Variants in SRP54 observed in about 807,000 individuals in gnomAD.
SRP54 encodes the protein signal recognition particle 54, also known as signal recognition particle subunit SRP54.
In SRP54, 10 loss-of-function variants were observed where a neutral mutation model predicts 64.8. The ratio of observed to expected loss-of-function variants is 0.15; its 90% confidence interval spans 0.10 to 0.26. SRP54 has a LOEUF of 0.26. SRP54 is among the 10% of genes least tolerant of loss of function. The pLI is 1.00. For missense variants in SRP54, 325 were observed against 613.7 expected (o/e 0.53, Z 4.97); for synonymous variants, 193 against 185.6 (o/e 1.04, Z -0.32).
chr14:34,985,893 C>T (rs1043411727), intron 1 of SRP54, among the ~76,000 whole-genome samples: 2 of 152,170 alleles, frequency 1.3e-5, no homozygotes, highest in Admixed American at 6.6e-5. Context: ...ATTGAAATAA[C>T]GCATTGCTTG....
intron 8 of SRP54, among the ~76,000 whole-genome samples, chr14:35,012,264 G>T (rs1283612725): frequency 6.7e-6 from 1 of 149,740 alleles, no homozygotes; most frequent in Non-Finnish European, 1.5e-5. Flanking sequence ...AGTTTCTGTT[G>T]AATTTCCTTT....
chr14:34,992,516 A>T (rs2043997075), intron 1 of SRP54, among the ~76,000 whole-genome samples: 1 of 152,224 alleles, frequency 6.6e-6, no homozygotes, highest in Admixed American at 6.5e-5. Context: ...GGAGGCCATT[A>T]TCCTAAGAGA....
intron 1 of SRP54, among the ~76,000 whole-genome samples, chr14:34,989,021 A>G (rs2043946589): frequency 6.6e-6 from 1 of 152,198 alleles, no homozygotes; most frequent in African/African-American, 2.4e-5. Context: ...ATGACAAGAA[A>G]AGTCTGTACA....
At chr14:34,994,278 C>T (rs2044031107) in intron 1 of SRP54, among the ~76,000 whole-genome samples, 3 of 152,144 alleles carry the variant, frequency 2.0e-5, no homozygotes, top group African/African-American at 4.8e-5. Context: ...GGATTACAGG[C>T]GTGAGCCACC....
chr14:35,026,243 CAG>C (rs1246927889), intron 14 of SRP54, among the ~76,000 whole-genome samples: 1 of 147,664 alleles, frequency 6.8e-6, no homozygotes, highest in East Asian at 2.1e-4. Flanking sequence ...TGTTTTGAGA[CAG>C]GGTCTCGCTG....
intron 7 of SRP54, among the ~76,000 whole-genome samples, chr14:35,011,192 G>GA (rs201595764): frequency 6.8e-6 from 1 of 148,054 alleles, no homozygotes; most frequent in Admixed American, 6.7e-5. Flanking sequence ...ATGTTAAATG[G>GA]AAAAATGTGT....
At chr14:34,986,166 C>G (rs752509826) in intron 1 of SRP54, among the ~76,000 whole-genome samples, 1 of 151,812 alleles carries the variant, frequency 6.6e-6, no homozygotes, top group East Asian at 1.9e-4. Context: ...TGCAAAAGTA[C>G]GAATTGGTGC....
chr14:35,027,122 C>G (rs1454089758), intron 14 of SRP54, among the ~76,000 whole-genome samples: 1 of 151,496 alleles, frequency 6.6e-6, no homozygotes, highest in Admixed American at 6.6e-5. Context: ...CTCCGCCTCC[C>G]GGATTCAAGC....
chr14:35,023,723 G>T (rs1595015450), intron 14 of SRP54, among the ~76,000 whole-genome samples: 1 of 151,684 alleles, frequency 6.6e-6, no homozygotes, highest in East Asian at 2.0e-4. Context: ...GGCGGAGCTT[G>T]CAGTGAGCCG....
intron 1 of SRP54, among the ~76,000 whole-genome samples, chr14:34,994,045 G>A (rs1419691526): frequency 6.6e-6 from 1 of 151,758 alleles, no homozygotes; most frequent in Non-Finnish European, 1.5e-5. Flanking sequence ...CCCAGGCTGA[G>A]TGCAGTGGCG....
At chr14:34,985,797 A>G (rs1383987118) in intron 1 of SRP54, among the ~76,000 whole-genome samples, 2 of 151,918 alleles carry the variant, frequency 1.3e-5, no homozygotes, top group East Asian at 3.9e-4. Flanking sequence ...AGATGAAGCT[A>G]CTCCCCCTAA....
intron 4 of SRP54, chr14:35,004,585 A>G (rs1352054661): frequency 6.6e-6 from 1 of 152,242 alleles, no homozygotes; most frequent in Non-Finnish European, 1.5e-5. Flanking sequence ...CCATGATTAT[A>G]AAGAAGCCCT....
chr14:34,999,786 T>A (rs1161150566), intron 3 of SRP54, 137 bp downstream of exon 3: 1 of 594,398 alleles, frequency 1.7e-6, no homozygotes, highest in Non-Finnish European at 3.0e-6. Context: ...TTGGAGCTCA[T>A]ATGTTGGGCG....
chr14:35,014,807 C>T lies in SRP54; in HGVS notation c.950C>T (p.Ala317Val), dbSNP rs764261072. 8 of 1,613,528 alleles carry T rather than the reference C, an allele frequency of 5.0e-6. No individual in the cohort carries two copies. Among genetic ancestry groups the T allele is most frequent in the African/African-American group, 1.3e-5 (1 of 74,874 alleles). ...VNELKLDDNE[A>V]LIEKLKHGQF... The stretch of plus-strand genomic sequence containing the variant: ...GAGTTGAAGTTGGATGACAATGAAG[C>T]ACTTATAGAGAAGTTGAAACATGGT... Residue 317 changes from alanine (A) to valine (V), a missense_variant, in exon 11 of 16, where the codon GCA becomes GTA. Ala to Val is a moderately conservative substitution (Grantham distance 64). Around this residue, in one of 3 missense-constraint regions of SRP54, gnomAD observed 146 missense variants for 337.4 expected, o/e 0.43. Transcript: ENST00000216774.
intron 5 of SRP54, among the ~76,000 whole-genome samples, chr14:35,008,237 C>A (rs547227750): frequency 1.3e-5 from 2 of 152,306 alleles, no homozygotes; most frequent in South Asian, 4.1e-4. Context: ...TTTACCACTC[C>A]TTTCTCCCAA....
chr14:34,997,816 A>G (rs1460357443), intron 2 of SRP54, among the ~76,000 whole-genome samples: 1 of 152,188 alleles, frequency 6.6e-6, no homozygotes, highest in Non-Finnish European at 1.5e-5. Context: ...GCTTTTTCTA[A>G]TACTGCTTAT....
At chr14:34,990,485 A>G (rs2043961710) in intron 1 of SRP54, among the ~76,000 whole-genome samples, 1 of 152,208 alleles carries the variant, frequency 6.6e-6, no homozygotes, top group Admixed American at 6.5e-5. Flanking sequence ...GAGTGAAATG[A>G]GATAATAGAT....
chr14:35,012,777 TTATC>T (rs1409543324), intron 8 of SRP54, among the ~76,000 whole-genome samples: 1 of 152,124 alleles, frequency 6.6e-6, no homozygotes, highest in African/African-American at 2.4e-5. Context: ...TCTGAAATGT[TTATC>T]TATTTATTAT....
intron 2 of SRP54, among the ~76,000 whole-genome samples, chr14:34,997,604 A>C (rs2044090819): frequency 6.6e-6 from 1 of 152,220 alleles, no homozygotes; most frequent in South Asian, 2.1e-4. Context: ...AAACTTTCTA[A>C]CTTGGAGGTT....
Sources: allele counts gnomAD v4.1 joint callset (sites outside exome capture counted in the v4.1 genomes callset), GRCh38; gene constraint gnomAD v4.1.1; regional missense constraint gnomAD v4.1.1; transcripts MANE v1.5; gene names NCBI Gene and HGNC (gene_info 2026-07-23, HGNC 2026-07-21).